PCDHGA1: variants seen among roughly 807,000 people sequenced by gnomAD.
PCDHGA1 encodes protocadherin gamma subfamily A, 1, also known as protocadherin gamma-A1.
Under a neutral mutation model 58.0 loss-of-function variants are expected in PCDHGA1, and 32 were observed. That is an observed-to-expected ratio of 0.55 (90% CI 0.42 to 0.74). The LOEUF is 0.74. Ranked by LOEUF, PCDHGA1 falls within the 30% of genes least tolerant of loss-of-function variation. PCDHGA1 has a pLI of 0.00. For missense variants in PCDHGA1, 1,205 were observed against 1,182.3 expected (o/e 1.02, Z -0.28); for synonymous variants, 498 against 501.1 (o/e 0.99, Z 0.08).
At chr5:141,408,313 T>A (rs375849626) in intron 1 of PCDHGA1, 28 of 1,613,640 alleles carry the variant, frequency 1.7e-5, no homozygotes, top group Non-Finnish European at 2.0e-5. Flanking sequence ...GCTACTCGAT[T>A]CCGGAGGAGC....
Position 141,332,030 on chromosome 5 carries a change from C to T in PCDHGA1, c.1346C>T (p.Ser449Phe), listed in dbSNP as rs764351656. Residue 449 changes from serine (S) to phenylalanine (F), a missense_variant, in exon 1 of 4, where the codon TCC (serine) becomes TTC (phenylalanine). By Grantham distance (155) the Ser-to-Phe change is radical. Transcript: ENST00000517417. The surrounding 1 kb of genome is among the most constrained non-coding windows in gnomAD (Gnocchi z 4.6). ...CTAGTGACAGATATCAATGACAACT[C>T]CCCAGTCTTCCATCAGGACTCCTAC... ...SLLVTDINDNSPVFHQDSYSA... is the reference protein window; with the variant it reads ...SLLVTDINDNFPVFHQDSYSA... 9.3e-6 allele frequency: 15 copies of T among 1,614,156 alleles called. No homozygotes were observed. The Middle Eastern group carries it at 6.6e-4, about 71-fold the overall frequency.
rs756146067 is a variant in PCDHGA1, at chr5:141,477,534, G to C, written c.2422-17273G>C. On this transcript the variant is annotated intron_variant, in intron 1 of 3. Transcript: ENST00000517417. This position sits in a 1 kb window ranked among gnomAD's most constrained non-coding sequence, Gnocchi z 4.9. ...TACATTGAAGAAAACAACCTCCCCG[G>C]GGCTCCAATACTAAACCTAAGTGTC... 1.9e-6 allele frequency: 3 copies of C among 1,614,008 alleles called. No homozygotes were observed. Among genetic ancestry groups the C allele is most frequent in the East Asian group, 4.5e-5 (2 of 44,870 alleles).
rs775705715 is a variant in PCDHGA1 at position 141,422,475 on chromosome 5, C to T, written c.2422-72332C>T. ...GCAGAGTGCTGGACAGGGAGTTGGT[C>T]CAGAGCTACAATATAACGTTGACAG... On this transcript the variant is annotated intron_variant, in intron 1 of 3. Coordinates refer to ENST00000517417, the MANE Select transcript of PCDHGA1 (RefSeq NM_018912.3). The T allele has an allele frequency of 7.4e-6, 12 of 1,613,672 alleles. No individual in the cohort carries two copies. The East Asian group carries it at 2.0e-4, about 27-fold the overall frequency.
At chr5:141,372,314 G>T (rs369724462) in intron 1 of PCDHGA1, 1 of 1,613,578 alleles carries the variant, frequency 6.2e-7, no homozygotes, top group East Asian at 2.2e-5. Context: ...CCGCCCGCCA[G>T]CGCCTGCTGG....
rs4151696 is a variant in PCDHGA1, at chr5:141,343,700, A to G, written c.2421+10595A>G. The G allele has an allele frequency of 3.6e-3, 768 of 210,972 alleles. 1 individual carries two copies. The highest frequency in any genetic ancestry group is 5.3e-3 in the Non-Finnish European group (572 of 107,392). 13.1% of individuals were successfully genotyped at this position (210,972 alleles called of 1,614,324 possible). A position where few individuals can be genotyped will look rare whatever the true frequency, so the allele number is the denominator to read the frequency against. ...ATCAACACTAGTCCTCTTATCTCTGACAAGAAGGATTTCAGATCTTGGATA... is the reference window on the plus strand; with the variant it reads ...ATCAACACTAGTCCTCTTATCTCTGGCAAGAAGGATTTCAGATCTTGGATA... On this transcript the variant is annotated intron_variant, in intron 1 of 3. Transcript: ENST00000517417.
Position 141,393,633 on chromosome 5 carries a change from A to G in PCDHGA1, c.2421+60528A>G, listed in dbSNP as rs376168054. The stretch of plus-strand genomic sequence containing the variant: ...AGCCAGCGACCCGGATGAGGGAATC[A>G]ACGGAAAAGTGGCATACAAATTCCG... On this transcript the variant is annotated intron_variant, in intron 1 of 3. Transcript: ENST00000517417. 8 of 1,613,854 alleles carry G rather than the reference A, an allele frequency of 5.0e-6. No homozygotes were observed. The highest frequency in any genetic ancestry group is 1.3e-5 in the African/African-American group (1 of 74,956).
At chr5:141,419,086 C>G (rs2096324558) in intron 1 of PCDHGA1, 1 of 1,613,808 alleles carries the variant, frequency 6.2e-7, no homozygotes, top group African/African-American at 1.3e-5. Context: ...CAGATGAGGC[C>G]CTGGATCGGG....
At chr5:141,360,107 A>G (rs768068572) in intron 1 of PCDHGA1, 11 of 1,553,506 alleles carry the variant, frequency 7.1e-6, no homozygotes, top group Non-Finnish European at 9.6e-6. Context: ...TATTCCTCCT[A>G]TGGGCAAAGG....
intron 1 of PCDHGA1, among the ~76,000 whole-genome samples, chr5:141,435,383 G>A (rs1057246190): frequency 6.6e-6 from 1 of 152,016 alleles, no homozygotes; most frequent in South Asian, 2.1e-4. Flanking sequence ...ACAATATACC[G>A]TATTGCCATG....
At chr5:141,474,722 C>G (rs1562046141) in intron 1 of PCDHGA1, among the ~76,000 whole-genome samples, 1 of 152,216 alleles carries the variant, frequency 6.6e-6, no homozygotes, top group Non-Finnish European at 1.5e-5. Flanking sequence ...TTCAAAAGGA[C>G]TCTATGCAAT....
Position 141,364,613 on chromosome 5 carries a change from C to G in PCDHGA1, c.2421+31508C>G, listed in dbSNP as rs776128638. 7 of 1,614,052 alleles carry G rather than the reference C, an allele frequency of 4.3e-6. No homozygotes were observed. The East Asian group carries it at 1.6e-4, about 36-fold the overall frequency. On this transcript the variant is annotated intron_variant, in intron 1 of 3. Coordinates refer to ENST00000517417, the MANE Select transcript of PCDHGA1 (RefSeq NM_018912.3). ...CGCGGGCAGGATAGACCGGGAGGAGCTCTGCGCTCAGAGCCCACTGTGTGT... is the reference window on the plus strand; with the variant it reads ...CGCGGGCAGGATAGACCGGGAGGAGGTCTGCGCTCAGAGCCCACTGTGTGT...
chr5:141,412,154 A>G (rs528810323), intron 1 of PCDHGA1: 1 of 152,344 alleles, frequency 6.6e-6, no homozygotes, highest in Admixed American at 6.5e-5. Flanking sequence ...ACTGCCTAAG[A>G]GAAGAGATTA....
intron 3 of PCDHGA1, among the ~76,000 whole-genome samples, chr5:141,510,373 T>TC (rs112437269): frequency 0.25 from 37,727 of 151,394 alleles, 4,765 homozygotes; most frequent in Admixed American, 0.33. Context: ...GAATCTCTAC[T>TC]CGTGCCAGGC....
intron 1 of PCDHGA1, chr5:141,342,397 CAG>C (rs1423561175): frequency 6.6e-6 from 1 of 152,114 alleles, no homozygotes; most frequent in Non-Finnish European, 1.5e-5. Context: ...TATTTAATAA[CAG>C]AGAATAATAA....
intron 1 of PCDHGA1, chr5:141,385,234 C>T: frequency 1.2e-6 from 2 of 1,614,178 alleles, no homozygotes; most frequent in African/African-American, 1.3e-5. Context: ...TGTAGACATG[C>T]TCATCAGCCA....
intron 1 of PCDHGA1, chr5:141,426,610 C>G (rs1376781969): frequency 2.6e-6 from 1 of 382,832 alleles, no homozygotes; most frequent in Non-Finnish European, 5.3e-6. Context: ...GAGATTGTAG[C>G]AGAGAATCCT....
intron 1 of PCDHGA1, chr5:141,340,914 A>T (rs141905537): frequency 1.9e-6 from 3 of 1,613,586 alleles, no homozygotes; most frequent in Admixed American, 1.7e-5. Flanking sequence ...GCCATCCAGG[A>T]CCACGGCCAG....
intron 1 of PCDHGA1, among the ~76,000 whole-genome samples, chr5:141,443,466 A>G (rs1402303157): frequency 6.6e-6 from 1 of 152,184 alleles, no homozygotes; most frequent in East Asian, 1.9e-4. Flanking sequence ...AGTCTGGGTG[A>G]CAGAATTAGA....
At chr5:141,433,034 C>G (rs1357694242) in intron 1 of PCDHGA1, 2 of 1,614,184 alleles carry the variant, frequency 1.2e-6, no homozygotes, top group Non-Finnish European at 1.7e-6. Flanking sequence ...CGAGGTTTCC[C>G]TCACCACGGA....
Sources: allele counts gnomAD v4.1 joint callset (sites outside exome capture counted in the v4.1 genomes callset), GRCh38; gene constraint gnomAD v4.1.1; non-coding constraint Gnocchi (gnomAD v3.1); transcripts MANE v1.5; gene names NCBI Gene and HGNC (gene_info 2026-07-23, HGNC 2026-07-21).